The following KIAA0586 variants were observed in gnomAD, a reference collection of about 807,000 sequenced individuals.
KIAA0586 encodes the protein protein TALPID3.
Under a neutral mutation model 169.8 loss-of-function variants are expected in KIAA0586, and 144 were observed. That is an observed-to-expected ratio of 0.85 (90% CI 0.74 to 0.97). The LOEUF (loss-of-function observed/expected upper bound fraction) is 0.97. Among genes scored for constraint, KIAA0586 ranks in the 50% least tolerant of loss-of-function variants. The probability of loss-of-function intolerance (pLI) is 0.00; values close to 1 mark genes in which losing one functional copy is unlikely to be tolerated. For missense variants in KIAA0586, 1,854 were observed against 1,823.0 expected (o/e 1.02, Z -0.31); for synonymous variants, 625 against 612.4 (o/e 1.02, Z -0.30).
At chr14:58,528,872 G>C (rs1337389827) in intron 29 of KIAA0586, among the ~76,000 whole-genome samples, 1 of 152,014 alleles carries the variant, frequency 6.6e-6, no homozygotes, top group African/African-American at 2.4e-5. Context: ...AACTGAAGGA[G>C]ATAGAGACAC....
At chr14:58,500,089 T>G (rs1333547449) in intron 27 of KIAA0586, among the ~76,000 whole-genome samples, 1 of 152,248 alleles carries the variant, frequency 6.6e-6, no homozygotes, top group African/African-American at 2.4e-5. Flanking sequence ...CTAGCATATA[T>G]AGTTGACTCT....
At chr14:58,490,087 C>A in intron 24 of KIAA0586, 77 bp from the exon 25 acceptor site, 1 of 691,714 alleles carries the variant, frequency 1.4e-6, no homozygotes, top group Non-Finnish European at 2.4e-6. Context: ...ATCTAATATG[C>A]TATGGCTTTA....
At chr14:58,553,999 C>T (rs573438467), downstream of KIAA0586, among the ~76,000 whole-genome samples, 2 of 152,242 alleles carry the variant, frequency 1.3e-5, no homozygotes, top group East Asian at 1.9e-4. Context: ...AGTTGATGGC[C>T]TCACATATCT....
At chr14:58,551,993 A>T (rs2047214426), downstream of KIAA0586, among the ~76,000 whole-genome samples, 1 of 152,178 alleles carries the variant, frequency 6.6e-6, no homozygotes, top group African/African-American at 2.4e-5. Flanking sequence ...TGGGGTGTAC[A>T]GTGTGGCGTG....
intron 21 of KIAA0586, among the ~76,000 whole-genome samples, chr14:58,484,906 A>ATATATTTATATATATATATT (rs1421438187): frequency 3.8e-5 from 1 of 26,192 alleles, no homozygotes; most frequent in Non-Finnish European, 7.5e-5. Flanking sequence ...ATATATATAT[A>ATATATTTATATATATATATT]TATATATATA....
downstream of KIAA0586, among the ~76,000 whole-genome samples, chr14:58,552,110 C>T (rs1161602970): frequency 6.6e-6 from 1 of 151,908 alleles, no homozygotes; most frequent in Non-Finnish European, 1.5e-5. Context: ...TTCTGTCTCC[C>T]CCTAATATGG....
chr14:58,494,412 T>C (rs2043029964), intron 26 of KIAA0586, among the ~76,000 whole-genome samples: 1 of 151,932 alleles, frequency 6.6e-6, no homozygotes, highest in Non-Finnish European at 1.5e-5. Context: ...ATTCACTTTG[T>C]TGTCTGTTTT....
intron 6 of KIAA0586, among the ~76,000 whole-genome samples, chr14:58,445,114 C>T (rs563181018): frequency 6.8e-6 from 1 of 147,166 alleles, no homozygotes; most frequent in Non-Finnish European, 1.5e-5. Flanking sequence ...ACTATATACA[C>T]ACACACATAC....
At chr14:58,488,328 A>G (rs189275884) in intron 23 of KIAA0586, among the ~76,000 whole-genome samples, 3 of 152,306 alleles carry the variant, frequency 2.0e-5, no homozygotes, top group Non-Finnish European at 4.4e-5. Flanking sequence ...AAATAAAGGT[A>G]TCTATTATAT....
chr14:58,479,076 GTTTAAC>G lies in KIAA0586; in HGVS notation c.2944+1840_2944+1845del, dbSNP rs2041855920. ...TTGGTTGGTCATATGATAAGTAAAT[GTTTAAC>G]TTTATAAGAAACTGCTAAACATTTC... On this transcript the variant is annotated intron_variant, in intron 20 of 30. Coordinates refer to ENST00000652326, the MANE Select transcript of KIAA0586 (RefSeq NM_001329943.3). 1.3e-5 allele frequency among the ~76,000 whole-genome samples: 2 copies of G among 152,148 alleles called. 1 individual carries two copies. Among genetic ancestry groups the G allele is most frequent in the East Asian group, 3.9e-4 (2 of 5,188 alleles).
chr14:58,517,206 A>G (rs2044827664), intron 29 of KIAA0586, among the ~76,000 whole-genome samples: 1 of 152,240 alleles, frequency 6.6e-6, no homozygotes, highest in African/African-American at 2.4e-5. Context: ...AGACTGGAAG[A>G]AAATATTTGC....
intron 14 of KIAA0586, among the ~76,000 whole-genome samples, chr14:58,464,817 G>A (rs1343801916): frequency 1.3e-5 from 2 of 152,146 alleles, no homozygotes; most frequent in Admixed American, 6.5e-5. Context: ...TGTCTACAGT[G>A]TAGAGACCCC....
intron 28 of KIAA0586, among the ~76,000 whole-genome samples, chr14:58,511,093 C>G (rs531124137): frequency 2.0e-5 from 3 of 152,120 alleles, no homozygotes; most frequent in South Asian, 2.1e-4. Context: ...GTCAAAACAG[C>G]AAATTGGACA....
At position 58,547,827 on chromosome 14, in the gene KIAA0586, G is replaced by T. The variant is rs1352947491; in HGVS notation, c.4542G>T (p.Lys1514Asn). 6.2e-7 allele frequency: 1 copy of T among 1,613,668 alleles called. No homozygotes were observed. Among genetic ancestry groups the T allele is most frequent in the East Asian group, 2.2e-5 (1 of 44,896 alleles). The change falls in exon 31 of 31, where the codon AAG becomes AAT. Residue 1514 changes from lysine (K) to asparagine (N), a missense_variant. Lys to Asn is a moderately conservative substitution (Grantham distance 94, BLOSUM62 0). Transcript: ENST00000652326. Reference sequence around the variant, plus strand: ...CCGCTTCACAGATGCCCCCTGCCAAGATGTCAGTGATGCTGCCGTCAGTGA... The same window carrying T: ...CCGCTTCACAGATGCCCCCTGCCAATATGTCAGTGATGCTGCCGTCAGTGA... ...PLSASQMPPA[K>N]MSVMLPSVNL...
chr14:58,521,213 A>G, intron 29 of KIAA0586: 1 of 939,998 alleles, frequency 1.1e-6, no homozygotes, highest in Admixed American at 2.0e-5. Context: ...AAGCCTCATC[A>G]TCCAACACAG....
rs1426195979 is a variant in KIAA0586 at position 58,443,683 on chromosome 14, A to G, written c.586-271A>G. 2.0e-5 allele frequency among the ~76,000 whole-genome samples: 3 copies of G among 152,110 alleles called. No homozygotes were observed. The South Asian group carries it at 6.2e-4, about 31-fold the overall frequency. Reference sequence around the variant, plus strand: ...CGTGATCTGCCTGCCTTGGCCTCCCAAAGTGCTGGGATTAGAGGTGTGAGC... The same window carrying G: ...CGTGATCTGCCTGCCTTGGCCTCCCGAAGTGCTGGGATTAGAGGTGTGAGC... On this transcript the variant is annotated intron_variant, in intron 5 of 30. Coordinates refer to ENST00000652326, the MANE Select transcript of KIAA0586 (RefSeq NM_001329943.3).
At chr14:58,452,786 C>T (rs2039500219) in intron 8 of KIAA0586, among the ~76,000 whole-genome samples, 1 of 152,142 alleles carries the variant, frequency 6.6e-6, no homozygotes, top group Non-Finnish European at 1.5e-5. Context: ...CTGCCTTGGC[C>T]TCCCAGAGTG....
intron 30 of KIAA0586, among the ~76,000 whole-genome samples, chr14:58,546,433 T>A (rs2046988392): frequency 6.6e-6 from 1 of 152,190 alleles, no homozygotes; most frequent in African/African-American, 2.4e-5. Context: ...TAATGAAAAA[T>A]TCTATGTTAT....
At chr14:58,495,473 T>C (rs1298922193) in intron 26 of KIAA0586, among the ~76,000 whole-genome samples, 2 of 152,010 alleles carry the variant, frequency 1.3e-5, no homozygotes, top group East Asian at 1.9e-4. Flanking sequence ...TAATTTTTTA[T>C]TTTTTGCAGA....
Sources: gnomAD v4.1 joint callset for allele counts (sites outside exome capture counted in the v4.1 genomes callset) on GRCh38, gnomAD v4.1.1 for gene constraint, MANE v1.5 for transcripts, NCBI Gene and HGNC (gene_info 2026-07-23, HGNC 2026-07-21) for gene names.